The following AP4E1 variants were observed in gnomAD, a reference collection of about 807,000 sequenced individuals.
AP4E1 encodes the protein AP-4 complex subunit epsilon-1.
AP4E1 carries 56 observed loss-of-function variants against 128.2 expected under a neutral mutation model. The ratio of observed to expected loss-of-function variants is 0.44; its 90% CI spans 0.35 to 0.55. The LOEUF (loss-of-function observed/expected upper bound fraction) is 0.55. AP4E1 is among the 20% of genes least tolerant of loss of function. The pLI is 0.00. For missense variants in AP4E1, 1,324 were observed against 1,307.7 expected (o/e 1.01, Z -0.19); for synonymous variants, 484 against 473.1 (o/e 1.02, Z -0.30).
intron 15 of AP4E1, among the ~76,000 whole-genome samples, chr15:50,982,212 C>G (rs542815538): frequency 2.0e-5 from 3 of 152,006 alleles, no homozygotes; most frequent in African/African-American, 7.2e-5. Flanking sequence ...CAGTGCCATG[C>G]TCTTGGACTT....
At chr15:50,951,831 A>G (rs1055537651) in intron 13 of AP4E1, among the ~76,000 whole-genome samples, 1 of 150,730 alleles carries the variant, frequency 6.6e-6, no homozygotes, top group Non-Finnish European at 1.5e-5. Flanking sequence ...GGTTCAAGCA[A>G]TTCTCCTGTC....
chr15:50,945,639 A>G (rs1455016797), intron 10 of AP4E1: 6 of 773,598 alleles, frequency 7.8e-6, no homozygotes, highest in Non-Finnish European at 1.4e-5. Context: ...AGCGAATGCA[A>G]CATGTTATCT....
chr15:50,954,704 T>G (rs555775195), intron 13 of AP4E1, among the ~76,000 whole-genome samples: 18 of 152,340 alleles, frequency 1.2e-4, no homozygotes, highest in Admixed American at 1.0e-3. Flanking sequence ...TGTGTTTGCT[T>G]GAAAAGTTAC....
chr15:51,005,512 C>A lies in AP4E1; in HGVS notation c.*2850C>A, dbSNP rs2065008360. The A allele has an allele frequency of 6.6e-6, 1 of 152,634 alleles. No individual in the cohort carries two copies. The highest frequency in any genetic ancestry group is 1.5e-5 in the Non-Finnish European group (1 of 68,042). 9.5% of individuals were successfully genotyped at this position (152,634 alleles called of 1,614,324 possible). On this transcript the variant is annotated 3_prime_UTR_variant, in exon 21 of 21. Transcript: ENST00000261842. ...CAGATGGAAGCTGAGCAGTTACCAA[C>A]TGCTAATGTGCCAAGTATACCAAGC... is the stretch of plus-strand genomic sequence containing the variant.
intron 2 of AP4E1, among the ~76,000 whole-genome samples, chr15:50,914,035 G>T (rs2063598499): frequency 1.3e-5 from 2 of 152,094 alleles, no homozygotes; most frequent in Non-Finnish European, 2.9e-5. Flanking sequence ...GGTCAGGCTG[G>T]TCTCGAACTC....
chr15:50,915,560 A>G lies in AP4E1; in HGVS notation c.335A>G (p.Glu112Gly), dbSNP rs1407398032. The change falls in exon 3 of 21, where the codon GAA (glutamate) becomes GGA (glycine). Residue 112 changes from glutamate (E) to glycine (G), a missense_variant. By Grantham distance (98) the Glu-to-Gly change is moderately conservative. Coordinates refer to ENST00000261842, the MANE Select transcript of AP4E1 (RefSeq NM_007347.5). Reference sequence around the variant, plus strand: ...TTAGCCCAACAAGGAAACCTCTTAGAAAAAAGAGTAGGTATGTATGTGTTT... The same window carrying G: ...TTAGCCCAACAAGGAAACCTCTTAGGAAAAAGAGTAGGTATGTATGTGTTT... ...IKLAQQGNLL[E>G]KRVGYLAVSL... is the part of the protein sequence containing the mutation. The G allele has an allele frequency of 6.2e-7, 1 of 1,613,594 alleles. No homozygotes were observed. The highest frequency in any genetic ancestry group is 8.5e-7 in the Non-Finnish European group (1 of 1,179,712).
chr15:50,975,970 G>C lies in AP4E1; in HGVS notation c.1966+7593G>C, dbSNP rs75186798. 8.8e-3 allele frequency among the ~76,000 whole-genome samples: 1,332 copies of C among 152,156 alleles called. 27 individuals are homozygous for C. Among genetic ancestry groups the C allele is most frequent in the African/African-American group, 0.031 (1,273 of 41,514 alleles). ...TACAAAAGGGACAGAGAGAGAGAGAGAGAGAGAGAGAAAGAGAGAGAGAGT... is the reference window on the plus strand; with the variant it reads ...TACAAAAGGGACAGAGAGAGAGAGACAGAGAGAGAGAAAGAGAGAGAGAGT... On this transcript the variant is annotated intron_variant, in intron 15 of 20. Coordinates refer to ENST00000261842, the MANE Select transcript of AP4E1 (RefSeq NM_007347.5).
chr15:50,961,488 G>C (rs1027242048), intron 14 of AP4E1, among the ~76,000 whole-genome samples: 2 of 151,708 alleles, frequency 1.3e-5, no homozygotes, highest in African/African-American at 4.8e-5. Flanking sequence ...TCACATTAAC[G>C]GAATAAAGGA....
chr15:50,971,601 TC>T (rs1321650186), intron 15 of AP4E1, among the ~76,000 whole-genome samples: 1 of 152,136 alleles, frequency 6.6e-6, no homozygotes, highest in African/African-American at 2.4e-5. Context: ...CTTAATGGTG[TC>T]CCACAAATCC....
chr15:50,977,683 C>G (rs987219232), intron 15 of AP4E1, among the ~76,000 whole-genome samples: 10 of 133,890 alleles, frequency 7.5e-5, no homozygotes, highest in African/African-American at 2.9e-4. Flanking sequence ...ATTCTTGAAT[C>G]TTTTAATTAT....
rs761141217 is a variant in AP4E1, at chr15:50,941,444, A to C, written c.946A>C (p.Ile316Leu). 1 of 1,612,016 alleles carries C rather than the reference A, an allele frequency of 6.2e-7. No homozygotes were observed. Among genetic ancestry groups the C allele is most frequent in the African/African-American group, 1.3e-5 (1 of 74,850 alleles). Residue 316 changes from isoleucine (I) to leucine (L), a missense_variant and splice_region_variant, in exon 9 of 21, where the codon ATT becomes CTT. Physicochemically the swap from Ile to Leu is conservative, Grantham distance 5 (BLOSUM62 2). Transcript: ENST00000261842. ...CATTTTTATGTTTCTTTTTCTAGCT[A>C]TTTTGTTTGAATGTGTGCATACAGT... ...AELNHNVTYA[I>L]LFECVHTVYS... is the part of the protein sequence containing the mutation.
chr15:50,977,667 G>T (rs954565764), intron 15 of AP4E1, among the ~76,000 whole-genome samples: 5 of 147,192 alleles, frequency 3.4e-5, no homozygotes, highest in Admixed American at 6.7e-5. Context: ...TATGCATAAA[G>T]AATTAATTCT....
chr15:50,981,120 C>T (rs2064637905), intron 15 of AP4E1, among the ~76,000 whole-genome samples: 1 of 152,160 alleles, frequency 6.6e-6, no homozygotes, highest in Non-Finnish European at 1.5e-5. Context: ...ACTGATGCTA[C>T]TAGCTTGCAG....
chr15:50,999,652 T>C (rs1217582372), intron 19 of AP4E1, among the ~76,000 whole-genome samples: 1 of 152,160 alleles, frequency 6.6e-6, no homozygotes, highest in Non-Finnish European at 1.5e-5. Context: ...ATAAAATTTG[T>C]TTGTTAAGCT....
Position 50,908,835 on chromosome 15 carries a change from C to G in AP4E1, c.57C>G (p.Asn19Lys), listed in dbSNP as rs776206463. 8 of 1,607,720 alleles carry G rather than the reference C, an allele frequency of 5.0e-6. No homozygotes were observed. In the East Asian group the frequency reaches 1.6e-4, roughly 31 times the overall value. ...CGCTGCCGGGACTCTTTCTGCAGAA[C>G]CAGCCCGGTGGTGGGCCCGCGGCCG... ...LTALPGLFLQNQPGGGPAAAK... is the reference protein window; with the variant it reads ...LTALPGLFLQKQPGGGPAAAK... Residue 19 changes from asparagine to lysine, a missense_variant, in exon 1 of 21, where the codon AAC (asparagine) becomes AAG (lysine). Asn to Lys is a moderately conservative substitution (Grantham distance 94). Coordinates refer to ENST00000261842, the MANE Select transcript of AP4E1 (RefSeq NM_007347.5).
chr15:50,918,249 T>C (rs965267586), intron 3 of AP4E1: 1 of 152,222 alleles, frequency 6.6e-6, no homozygotes, highest in Non-Finnish European at 1.5e-5. Context: ...ATATGCTGAT[T>C]AGATTTTGTC....
intron 10 of AP4E1, chr15:50,944,946 C>A: frequency 1.3e-6 from 1 of 772,400 alleles, no homozygotes; most frequent in Non-Finnish European, 2.3e-6. Flanking sequence ...AATTTGGAAC[C>A]TGACTCAACA....
chr15:50,920,416 T>C (rs2063686331), intron 3 of AP4E1, among the ~76,000 whole-genome samples: 1 of 89,280 alleles, frequency 1.1e-5, no homozygotes, highest in South Asian at 4.1e-4. Context: ...CCCGGCCTTC[T>C]TTTTTTTTTT....
intron 3 of AP4E1, among the ~76,000 whole-genome samples, chr15:50,917,868 G>A (rs989972460): frequency 6.6e-6 from 1 of 152,220 alleles, no homozygotes. Flanking sequence ...GGGAGGCTGA[G>A]GCAGGCAGAT....
Sources: allele counts gnomAD v4.1 joint callset (sites outside exome capture counted in the v4.1 genomes callset), GRCh38; gene constraint gnomAD v4.1.1; transcripts MANE v1.5; gene names NCBI Gene and HGNC (gene_info 2026-07-23, HGNC 2026-07-21).